The following CEP63 variants were observed in gnomAD, a reference collection of about 807,000 sequenced individuals.
CEP63 encodes the protein centrosomal protein of 63 kDa.
In CEP63, 84 loss-of-function variants were observed where a neutral mutation model predicts 89.1. The ratio of observed to expected loss-of-function variants is 0.94; its 90% confidence interval spans 0.79 to 1.13. The LOEUF (loss-of-function observed/expected upper bound fraction) is 1.13, where lower values mean the gene tolerates loss of function less well. CEP63 is among the 50% of genes most tolerant of loss of function. The pLI, the probability that CEP63 is intolerant of heterozygous loss-of-function variation, is 0.00. For missense variants in CEP63, 838 were observed against 813.3 expected, an observed-to-expected ratio of 1.03 and a Z score of -0.37; for synonymous variants, 267 against 272.5, an observed-to-expected ratio of 0.98 and a Z score of 0.20.
At chr3:134,630,559 G>A in the CEP63 span, among the ~76,000 whole-genome samples, 1 of 152,310 alleles carries the variant, frequency 6.6e-6, no homozygotes, top group African/African-American at 2.4e-5. Flanking sequence ...ATTCCATAAA[G>A]TTGTAGATGG....
the CEP63 span, among the ~76,000 whole-genome samples, chr3:134,763,896 C>T: frequency 6.6e-6 from 1 of 152,148 alleles, no homozygotes; most frequent in Non-Finnish European, 1.5e-5. Context: ...TGCTCATTTC[C>T]CAGCATACCA....
chr3:134,507,781 T>C (rs1286906507), intron 3 of CEP63, among the ~76,000 whole-genome samples: 2 of 152,088 alleles, frequency 1.3e-5, no homozygotes, highest in African/African-American at 4.8e-5. Flanking sequence ...AAGAAGAAAA[T>C]AAAAATTACT....
the CEP63 span, among the ~76,000 whole-genome samples, chr3:134,680,588 T>C: frequency 6.6e-6 from 1 of 152,158 alleles, no homozygotes; most frequent in South Asian, 2.1e-4. Context: ...CTTCCAACCA[T>C]TCTCTGATGG....
the CEP63 span, among the ~76,000 whole-genome samples, chr3:134,734,789 G>T: frequency 6.6e-6 from 1 of 152,034 alleles, no homozygotes; most frequent in African/African-American, 2.4e-5. Context: ...GAAGACAGAG[G>T]GTTAGGTTCT....
chr3:134,726,382 A>T, the CEP63 span, among the ~76,000 whole-genome samples: 2 of 151,616 alleles, frequency 1.3e-5, no homozygotes, highest in Non-Finnish European at 2.9e-5. Flanking sequence ...CTTGTTTACC[A>T]CTTGACAGTA....
the CEP63 span, among the ~76,000 whole-genome samples, chr3:134,745,597 A>G: frequency 6.6e-6 from 1 of 152,288 alleles, no homozygotes; most frequent in South Asian, 2.1e-4. Flanking sequence ...GATTTGTTAC[A>G]TAGATATACA....
chr3:134,485,894 G>C (rs1935102464), upstream of CEP63: 2 of 717,630 alleles, frequency 2.8e-6, no homozygotes, highest in Non-Finnish European at 3.4e-6. Flanking sequence ...CCGACACTGA[G>C]CAACGAACGC....
In CEP63 at chr3:134,486,154, G is replaced by A; in HGVS notation, c.-74G>A. 2 of 985,626 alleles carry A rather than the reference G, an allele frequency of 2.0e-6. No homozygotes were observed. The highest frequency in any genetic ancestry group is 2.4e-6 in the Non-Finnish European group (2 of 830,052). The allele number at this position is 985,626 out of a possible 1,614,324, so 61.1% of individuals were successfully genotyped here. On this transcript the variant is annotated 5_prime_UTR_variant, in exon 1 of 15. Coordinates refer to ENST00000675561, the MANE Select transcript of CEP63 (RefSeq NM_001353108.3). ...GCGGAACAAACGCGCCGACTACAGAGGCTGGACGTAAGCTTAGCGGTGGCG... is the reference window on the plus strand; with the variant it reads ...GCGGAACAAACGCGCCGACTACAGAAGCTGGACGTAAGCTTAGCGGTGGCG...
the CEP63 span, among the ~76,000 whole-genome samples, chr3:134,721,079 A>G: frequency 3.9e-5 from 6 of 152,110 alleles, no homozygotes; most frequent in African/African-American, 1.4e-4. Context: ...TCTGAATAAT[A>G]TTAAGTCTTC....
At chr3:134,771,527 T>G in the CEP63 span, among the ~76,000 whole-genome samples, 1,589 of 150,734 alleles carry the variant, frequency 0.011, 29 homozygotes, top group African/African-American at 0.037. Flanking sequence ...GCCTGATAAT[T>G]TGCATTCCTA....
the CEP63 span, chr3:134,619,227 C>G: frequency 6.2e-7 from 1 of 1,613,968 alleles, no homozygotes; most frequent in Non-Finnish European, 8.5e-7. Context: ...GGTTTGAAGG[C>G]TTGGCGGTCC....
intron 5 of CEP63, chr3:134,535,697 A>G (rs748203479): frequency 8.5e-5 from 13 of 152,230 alleles, no homozygotes; most frequent in Admixed American, 3.3e-4. Context: ...AACATGTCCA[A>G]GCTAAAGGTC....
chr3:134,507,269 G>C lies in CEP63; in HGVS notation c.205G>C (p.Asp69His). ...QELKSLRSQL[D>H]VTHKEVGMLH... ...ACTTAAGAGTCTTAGGAGTCAGTTG[G>C]ATGTGACACATAAGGAGGTAAAGCA... Residue 69 changes from aspartate to histidine, a missense_variant, in exon 3 of 15, where the codon GAT (aspartate) becomes CAT (histidine). By Grantham distance (81) the Asp-to-His change is moderately conservative. Coordinates refer to ENST00000675561, the MANE Select transcript of CEP63 (RefSeq NM_001353108.3). The C allele has an allele frequency of 6.2e-7, 1 of 1,613,098 alleles. No homozygotes were observed.
chr3:134,559,498 G>T, intron 14 of CEP63, 69 bp downstream of exon 14: 1 of 1,333,314 alleles, frequency 7.5e-7, no homozygotes. Context: ...TATTTTAAGG[G>T]TGAAGAAGGT....
the CEP63 span, among the ~76,000 whole-genome samples, chr3:134,781,472 G>T: frequency 3.3e-5 from 5 of 152,216 alleles, no homozygotes; most frequent in African/African-American, 1.2e-4. Context: ...GGACACAAAG[G>T]TGGGAACAAC....
chr3:134,770,223 T>G, the CEP63 span, among the ~76,000 whole-genome samples: 1 of 152,226 alleles, frequency 6.6e-6, no homozygotes, highest in Non-Finnish European at 1.5e-5. Context: ...TACTACTGTT[T>G]CCCATCCAGA....
the CEP63 span, among the ~76,000 whole-genome samples, chr3:134,619,465 A>C: frequency 6.6e-6 from 1 of 152,230 alleles, no homozygotes; most frequent in Admixed American, 6.5e-5. Context: ...AGGCCTTGGC[A>C]GAGGGGGCCA....
chr3:134,637,482 C>T, the CEP63 span, among the ~76,000 whole-genome samples: 3 of 152,208 alleles, frequency 2.0e-5, no homozygotes, highest in Admixed American at 6.5e-5. Context: ...TCTGAGTAGT[C>T]CTGTAGTAAA....
At chr3:134,487,307 CATT>C (rs1214488962) in intron 1 of CEP63, among the ~76,000 whole-genome samples, 1 of 152,118 alleles carries the variant, frequency 6.6e-6, no homozygotes, top group Non-Finnish European at 1.5e-5. Context: ...TTGACTGTGG[CATT>C]ATCAGTGATC....
Sources: gnomAD v4.1 joint callset for allele counts (sites outside exome capture counted in the v4.1 genomes callset) on GRCh38, gnomAD v4.1.1 for gene constraint, MANE v1.5 for transcripts, NCBI Gene and HGNC (gene_info 2026-07-23, HGNC 2026-07-21) for gene names.